Variants in TMTC2 observed in about 807,000 individuals in gnomAD.
TMTC2 encodes the protein protein O-mannosyl-transferase TMTC2.
A neutral mutation model predicts 82.4 loss-of-function variants in TMTC2; 43 were observed. The observed-to-expected ratio is 0.52, with a 90% CI of 0.41 to 0.67. TMTC2 has a LOEUF of 0.67. Among genes scored for constraint, TMTC2 ranks in the 30% least tolerant of loss-of-function variants. The pLI is 0.00. For missense variants in TMTC2, 919 were observed against 1,012.4 expected, an observed-to-expected ratio of 0.91 and a Z score of 1.25; for synonymous variants, 408 against 381.9, an observed-to-expected ratio of 1.07 and a Z score of -0.80.
intron 11 of TMTC2, among the ~76,000 whole-genome samples, chr12:83,086,623 A>T (rs1339345172): frequency 1.3e-5 from 2 of 152,192 alleles, no homozygotes; most frequent in Admixed American, 1.3e-4. Flanking sequence ...CAGTAGAGCA[A>T]ATATCACAAC....
At chr12:83,056,767 C>T (rs1446935288) in intron 10 of TMTC2, among the ~76,000 whole-genome samples, 1 of 151,798 alleles carries the variant, frequency 6.6e-6, no homozygotes. Flanking sequence ...AATCACAAGG[C>T]TCTTATTTCA....
chr12:83,019,325 T>C (rs1022277938), intron 8 of TMTC2, among the ~76,000 whole-genome samples: 32 of 152,174 alleles, frequency 2.1e-4, no homozygotes, highest in Admixed American at 1.1e-3. Flanking sequence ...TCTATCCATT[T>C]CCTTACCCAC....
chr12:82,791,324 T>C (rs143909709), intron 1 of TMTC2, among the ~76,000 whole-genome samples: 25 of 152,224 alleles, frequency 1.6e-4, no homozygotes, highest in African/African-American at 5.5e-4. Context: ...ACTTTGGACA[T>C]TGCAATAATC....
intron 10 of TMTC2, among the ~76,000 whole-genome samples, chr12:83,057,272 G>A (rs1032685938): frequency 6.6e-6 from 1 of 151,878 alleles, no homozygotes; most frequent in African/African-American, 2.4e-5. Flanking sequence ...GGGGCATCAA[G>A]GAATTTCTCA....
At chr12:83,077,346 C>T (rs1883313234) in intron 11 of TMTC2, among the ~76,000 whole-genome samples, 1 of 152,110 alleles carries the variant, frequency 6.6e-6, no homozygotes, top group African/African-American at 2.4e-5. Context: ...ACAAACAGAC[C>T]TTGCCCGGTT....
At chr12:82,973,184 A>T (rs1050393955) in intron 7 of TMTC2, among the ~76,000 whole-genome samples, 1 of 152,088 alleles carries the variant, frequency 6.6e-6, no homozygotes, top group African/African-American at 2.4e-5. Context: ...TTTTCCTATG[A>T]TTGCTTCCAT....
chr12:82,732,663 C>A (rs924554837), intron 1 of TMTC2, among the ~76,000 whole-genome samples: 1 of 152,072 alleles, frequency 6.6e-6, no homozygotes, highest in Non-Finnish European at 1.5e-5. Context: ...ATCTTTAAGG[C>A]TAAGGGAATG....
intron 11 of TMTC2, among the ~76,000 whole-genome samples, chr12:83,077,580 T>TCCC (rs1883323406): frequency 1.3e-5 from 2 of 152,064 alleles, no homozygotes. Flanking sequence ...TCTTTTTTTT[T>TCCC]ATTTTATTTT....
chr12:82,952,510 TAC>T (rs1198156294), intron 4 of TMTC2, among the ~76,000 whole-genome samples: 11 of 151,874 alleles, frequency 7.2e-5, no homozygotes, highest in Non-Finnish European at 1.5e-4. Context: ...TATATATACA[TAC>T]ACACACAGAC....
intron 3 of TMTC2, among the ~76,000 whole-genome samples, chr12:82,914,817 A>ATTTTTTTTTTT (rs71068958): frequency 1.2e-5 from 1 of 86,408 alleles, no homozygotes; most frequent in African/African-American, 4.4e-5. Flanking sequence ...CAACTCACTT[A>ATTTTTTTTTTT]TTTTTTTTTT....
chr12:83,075,732 A>G (rs927115343), intron 11 of TMTC2, among the ~76,000 whole-genome samples: 3 of 152,202 alleles, frequency 2.0e-5, no homozygotes, highest in Admixed American at 1.3e-4. Flanking sequence ...TGACAGCTTC[A>G]GTTAAGTCAG....
At chr12:83,085,703 T>C (rs918386702) in intron 11 of TMTC2, among the ~76,000 whole-genome samples, 2 of 152,198 alleles carry the variant, frequency 1.3e-5, no homozygotes, top group Non-Finnish European at 2.9e-5. Flanking sequence ...TAGGGTGAAT[T>C]TACTATCCAA....
rs757870697 is a variant in TMTC2, at chr12:82,965,736, C to G, written c.1861C>G (p.His621Asp). The change falls in exon 6 of 12, where the codon CAC (histidine) becomes GAC (aspartate). Residue 621 changes from histidine (H) to aspartate (D), a missense_variant. Coordinates refer to ENST00000321196, the MANE Select transcript of TMTC2 (RefSeq NM_152588.3). ...AGGAAAGCTGTATCATGAGCAGGGACACTATGAGGTCTGGCCAATGCCTCT... is the reference window on the plus strand; with the variant it reads ...AGGAAAGCTGTATCATGAGCAGGGAGACTATGAGGTCTGGCCAATGCCTCT... ...NLGKLYHEQG[H>D]YEEALSVYKE... 7.4e-6 allele frequency: 12 copies of G among 1,613,686 alleles called. No homozygotes were observed. The highest frequency in any genetic ancestry group is 1.6e-4 in the Middle Eastern group (1 of 6,084).
At position 83,043,340 on chromosome 12, in the gene TMTC2, T is replaced by G. The variant is rs187337917; in HGVS notation, c.2153-7564T>G. ...TTACCAGGAGTGTGTTACTACCCTC[T>G]TCTAGTAGAAACACCCCATAAGTGA... On this transcript the variant is annotated intron_variant, in intron 9 of 11. Coordinates refer to ENST00000321196, the MANE Select transcript of TMTC2 (RefSeq NM_152588.3). 2.7e-3 allele frequency among the ~76,000 whole-genome samples: 407 copies of G among 152,312 alleles called. 2 individuals carry two copies. Among genetic ancestry groups the G allele is most frequent in the African/African-American group, 9.5e-3 (395 of 41,578 alleles).
intron 1 of TMTC2, among the ~76,000 whole-genome samples, chr12:82,704,470 GAAAAT>G (rs1873247174): frequency 6.6e-6 from 1 of 152,014 alleles, no homozygotes; most frequent in South Asian, 2.1e-4. Context: ...TGCATTTGAA[GAAAAT>G]CTTTTGTGTA....
intron 1 of TMTC2, among the ~76,000 whole-genome samples, chr12:82,818,217 A>G (rs1354259726): frequency 1.3e-5 from 2 of 152,048 alleles, no homozygotes; most frequent in Non-Finnish European, 2.9e-5. Flanking sequence ...ATATATTTTT[A>G]TATTTTATCT....
chr12:82,847,119 T>G (rs1425077506), intron 1 of TMTC2, among the ~76,000 whole-genome samples: 1 of 152,174 alleles, frequency 6.6e-6, no homozygotes, highest in African/African-American at 2.4e-5. Flanking sequence ...TCTTACCCTA[T>G]TAGCCAAGTA....
intron 4 of TMTC2, among the ~76,000 whole-genome samples, chr12:82,934,590 A>C (rs1438496903): frequency 6.6e-6 from 1 of 152,024 alleles, no homozygotes. Context: ...AGTATTCTGT[A>C]GTGTATATGT....
chr12:82,866,224 A>G (rs1429746150), intron 2 of TMTC2, among the ~76,000 whole-genome samples: 1 of 145,094 alleles, frequency 6.9e-6, no homozygotes, highest in Non-Finnish European at 1.5e-5. Flanking sequence ...TGAATCCAGG[A>G]GCTGGTTTTT....
Sources: allele counts gnomAD v4.1 joint callset (sites outside exome capture counted in the v4.1 genomes callset), GRCh38; gene constraint gnomAD v4.1.1; transcripts MANE v1.5; gene names NCBI Gene and HGNC (gene_info 2026-07-23, HGNC 2026-07-21).